Variants in GLB1 observed in about 807,000 individuals in gnomAD.
The protein encoded by GLB1 is beta-galactosidase.
Under a neutral mutation model 74.0 loss-of-function variants are expected in GLB1, and 56 were observed. That is an observed-to-expected ratio of 0.76 (90% CI 0.61 to 0.94). The LOEUF is 0.94. Among genes scored for constraint, GLB1 ranks in the 40% least tolerant of loss-of-function variants. The probability of loss-of-function intolerance (pLI) is 0.00; values close to 1 mark genes in which losing one functional copy is unlikely to be tolerated. For synonymous variants in GLB1, 323 were observed against 323.6 expected (o/e 1.00, Z 0.02); for missense variants, 787 against 845.5 (o/e 0.93, Z 0.86).
intron 10 of GLB1, chr3:33,034,129 A>AT: frequency 4.9e-6 from 3 of 617,874 alleles, no homozygotes; most frequent in Non-Finnish European, 6.1e-6. Context: ...GGAAAGAGGA[A>AT]AACGGCACCT....
intron 1 of GLB1, among the ~76,000 whole-genome samples, chr3:33,095,321 T>C (rs573311778): frequency 1.3e-5 from 2 of 149,650 alleles, no homozygotes; most frequent in South Asian, 4.3e-4. Flanking sequence ...ATCGAGACCA[T>C]CCTGGCTAAC....
intron 10 of GLB1, chr3:33,034,809 G>A: frequency 1.6e-6 from 1 of 608,812 alleles, no homozygotes; most frequent in Non-Finnish European, 3.2e-6. Context: ...AACAAGCAGT[G>A]ACAAGACAGG....
At chr3:32,973,165 A>G in the GLB1 span, among the ~76,000 whole-genome samples, 2 of 152,188 alleles carry the variant, frequency 1.3e-5, no homozygotes, top group African/African-American at 4.8e-5. Flanking sequence ...GGGCTGGTGC[A>G]CATAAATAAT....
At chr3:33,018,839 C>G (rs1345858981) in intron 12 of GLB1, among the ~76,000 whole-genome samples, 1 of 152,156 alleles carries the variant, frequency 6.6e-6, no homozygotes, top group African/African-American at 2.4e-5. Context: ...GGTTAAGTTA[C>G]TTGCCCAGGG....
chr3:32,986,016 C>G, the GLB1 span, among the ~76,000 whole-genome samples: 14 of 152,126 alleles, frequency 9.2e-5, no homozygotes, highest in Non-Finnish European at 1.5e-4. Context: ...CTGGACAACT[C>G]TCTATTTTTA....
intron 10 of GLB1, among the ~76,000 whole-genome samples, chr3:33,038,813 A>G (rs913741925): frequency 7.9e-5 from 12 of 152,210 alleles, no homozygotes; most frequent in Admixed American, 2.0e-4. Flanking sequence ...AATTAGCTTA[A>G]TCCCTGATTG....
At chr3:33,081,586 G>A (rs1020880577) in intron 1 of GLB1, among the ~76,000 whole-genome samples, 3 of 152,224 alleles carry the variant, frequency 2.0e-5, no homozygotes, top group African/African-American at 7.2e-5. Context: ...GGAGGGCCCT[G>A]GCATACTTGG....
chr3:33,049,157 C>T (rs73059132), intron 9 of GLB1, among the ~76,000 whole-genome samples: 3,856 of 152,116 alleles, frequency 0.025, 76 homozygotes, highest in Middle Eastern at 0.054. Flanking sequence ...TGATTGGTCC[C>T]GATCCCATCA....
intron 15 of GLB1, among the ~76,000 whole-genome samples, chr3:33,007,435 G>A (rs554718461): frequency 3.3e-5 from 5 of 152,280 alleles, no homozygotes; most frequent in African/African-American, 1.2e-4. Context: ...TGCCTGTTCC[G>A]GACATTTCAT....
chr3:33,031,438 G>A (rs1299322594), intron 10 of GLB1, among the ~76,000 whole-genome samples: 3 of 151,320 alleles, frequency 2.0e-5, no homozygotes, highest in Non-Finnish European at 4.4e-5. Context: ...GAGGTCAGGA[G>A]TTTGAGACCA....
the GLB1 span, among the ~76,000 whole-genome samples, chr3:32,985,623 T>C: frequency 1.3e-5 from 2 of 152,204 alleles, no homozygotes; most frequent in African/African-American, 4.8e-5. Context: ...TACCTTTATA[T>C]ATATTTTATT....
At chr3:33,087,580 CACACACACACACACA>C (rs1700565021) in intron 1 of GLB1, among the ~76,000 whole-genome samples, 1 of 564 alleles carries the variant, frequency 1.8e-3, no homozygotes, top group African/African-American at 3.2e-3. Flanking sequence ...AGCATGCGCG[CACACACACACACACA>C]CACACACACA....
In GLB1 at chr3:33,046,318, G is replaced by A. The variant is rs566074450; in HGVS notation, c.956-86C>T. 5.3e-5 allele frequency: 80 copies of A among 1,506,494 alleles called. No homozygotes were observed. In the African/African-American group the frequency reaches 1.0e-3, roughly 19 times the overall value. 93.3% of individuals were successfully genotyped at this position (1,506,494 alleles called of 1,614,324 possible). On this transcript the variant is annotated intron_variant, in intron 9 of 15. Coordinates refer to ENST00000307363, the MANE Select transcript of GLB1 (RefSeq NM_000404.4). The stretch of plus-strand genomic sequence containing the variant: ...TGGGATCCATGAGCTCAGCACTGTA[G>A]AGAGAGAAAACTAGAAGACACATTA...
At chr3:33,056,227 C>CAAA (rs10559091) in intron 6 of GLB1, among the ~76,000 whole-genome samples, 6 of 48,594 alleles carry the variant, frequency 1.2e-4, no homozygotes, top group African/African-American at 2.3e-4. Context: ...AACTCCACCT[C>CAAA]AAAAAAAAAA....
chr3:33,012,228 A>G (rs74462533), intron 15 of GLB1, among the ~76,000 whole-genome samples: 10,533 of 152,254 alleles, frequency 0.069, 535 homozygotes, highest in East Asian at 0.25. Flanking sequence ...CCCAGCCTAT[A>G]GATCCAACAA....
intron 10 of GLB1, among the ~76,000 whole-genome samples, chr3:33,041,353 T>A (rs1304414174): frequency 6.6e-6 from 1 of 152,042 alleles, no homozygotes; most frequent in Non-Finnish European, 1.5e-5. Context: ...GAGAGAAAAC[T>A]ATCAGTTTAG....
chr3:33,016,121 C>T (rs1697227830), intron 14 of GLB1, among the ~76,000 whole-genome samples: 1 of 152,192 alleles, frequency 6.6e-6, no homozygotes, highest in Non-Finnish European at 1.5e-5. Flanking sequence ...TTGCCACAGG[C>T]TAACCATCCA....
chr3:32,972,644 A>G, the GLB1 span, among the ~76,000 whole-genome samples: 1 of 152,226 alleles, frequency 6.6e-6, no homozygotes, highest in Admixed American at 6.5e-5. Flanking sequence ...TTAACCAGAC[A>G]TCAGCCACTG....
chr3:33,058,837 TA>T (rs1699328181), intron 5 of GLB1, among the ~76,000 whole-genome samples: 6 of 151,992 alleles, frequency 3.9e-5, no homozygotes, highest in Admixed American at 3.9e-4. Context: ...TCCATGGCAA[TA>T]AGAAGAAGGG....
Sources: allele counts gnomAD v4.1 joint callset (sites outside exome capture counted in the v4.1 genomes callset), GRCh38; gene constraint gnomAD v4.1.1; transcripts MANE v1.5; gene names NCBI Gene and HGNC (gene_info 2026-07-23, HGNC 2026-07-21).